MLIP: variants seen among roughly 807,000 people sequenced by gnomAD.
MLIP encodes muscular LMNA-interacting protein.
MLIP carries 79 observed loss-of-function variants against 84.8 expected under a neutral mutation model. The observed-to-expected ratio is 0.93, with a 90% confidence interval of 0.78 to 1.12. MLIP has a LOEUF of 1.12. Among genes scored for constraint, MLIP ranks in the 50% most tolerant of loss-of-function variants. The probability of loss-of-function intolerance (pLI) is 0.00; values close to 1 mark genes in which losing one functional copy is unlikely to be tolerated. For missense variants in MLIP, 1,257 were observed against 1,160.6 expected (o/e 1.08, Z -1.21); for synonymous variants, 504 against 463.0 (o/e 1.09, Z -1.14).
intron 11 of MLIP, among the ~76,000 whole-genome samples, chr6:54,213,942 A>T (rs749130628): frequency 1.3e-5 from 2 of 152,140 alleles, no homozygotes; most frequent in Non-Finnish European, 2.9e-5. Flanking sequence ...AAGATATGGT[A>T]CTTTGACTAC....
chr6:54,057,303 T>C (rs1344433900), intron 1 of MLIP, among the ~76,000 whole-genome samples: 1 of 152,224 alleles, frequency 6.6e-6, no homozygotes. Flanking sequence ...ATGTGAACTT[T>C]GGAAGGTTTC....
chr6:54,245,036 A>G (rs537325094), intron 12 of MLIP, among the ~76,000 whole-genome samples: 34 of 152,214 alleles, frequency 2.2e-4, no homozygotes, highest in Non-Finnish European at 3.7e-4. Context: ...TTTACTGACT[A>G]TGCTTGTATT....
At chr6:54,253,546 T>C (rs1035889336) in intron 12 of MLIP, among the ~76,000 whole-genome samples, 3 of 152,212 alleles carry the variant, frequency 2.0e-5, no homozygotes, top group Non-Finnish European at 4.4e-5. Context: ...CTAAATTTCA[T>C]GTCTTGTGTA....
intron 1 of MLIP, among the ~76,000 whole-genome samples, chr6:54,023,640 G>T (rs1019503389): frequency 4.6e-5 from 7 of 152,034 alleles, no homozygotes; most frequent in Non-Finnish European, 8.8e-5. Context: ...TGCGATCTCG[G>T]CTCACTGCAA....
chr6:54,188,139 G>C (rs1777576515), intron 9 of MLIP, among the ~76,000 whole-genome samples: 1 of 152,222 alleles, frequency 6.6e-6, no homozygotes, highest in African/African-American at 2.4e-5. Context: ...TAGTGCACTT[G>C]CCATGAATGG....
chr6:54,171,990 T>C (rs1210377437), intron 9 of MLIP, among the ~76,000 whole-genome samples: 1 of 151,506 alleles, frequency 6.6e-6, no homozygotes, highest in Admixed American at 6.6e-5. Flanking sequence ...GTAGATATTC[T>C]TAGATTAAAC....
chr6:54,191,847 C>A (rs1020899910), intron 10 of MLIP, among the ~76,000 whole-genome samples: 5 of 151,758 alleles, frequency 3.3e-5, no homozygotes, highest in African/African-American at 1.2e-4. Context: ...TTTAAACATT[C>A]TCATATATAG....
At chr6:54,030,721 T>C (rs1434285606) in intron 1 of MLIP, 4 of 152,190 alleles carry the variant, frequency 2.6e-5, no homozygotes, top group Non-Finnish European at 5.9e-5. Flanking sequence ...TTCTAAAAAA[T>C]ATGCAGTCTC....
chr6:54,262,636 G>C (rs1316375424), intron 13 of MLIP, among the ~76,000 whole-genome samples: 1 of 151,958 alleles, frequency 6.6e-6, no homozygotes, highest in African/African-American at 2.4e-5. Flanking sequence ...TGTCTTTCTT[G>C]GTTGTTTACA....
At chr6:54,021,356 A>G (rs1327457778) in intron 1 of MLIP, among the ~76,000 whole-genome samples, 3 of 152,210 alleles carry the variant, frequency 2.0e-5, no homozygotes, top group Non-Finnish European at 4.4e-5. Context: ...TGTTAAAATT[A>G]AAGCTGTATC....
chr6:54,228,466 A>G (rs539882093), intron 11 of MLIP, among the ~76,000 whole-genome samples: 119 of 152,336 alleles, frequency 7.8e-4, no homozygotes, highest in African/African-American at 2.7e-3. Context: ...AAGTGCTGAT[A>G]AGATTCTGCT....
intron 1 of MLIP, among the ~76,000 whole-genome samples, chr6:54,035,139 A>G (rs1010357640): frequency 6.6e-6 from 1 of 152,050 alleles, no homozygotes; most frequent in African/African-American, 2.4e-5. Flanking sequence ...GTGTAAGTTT[A>G]CTCCATGAGG....
chr6:54,048,299 C>T (rs963113416), intron 1 of MLIP, among the ~76,000 whole-genome samples: 3 of 152,236 alleles, frequency 2.0e-5, no homozygotes, highest in Middle Eastern at 3.4e-3. Flanking sequence ...GAATGAGTCT[C>T]ATGAGGAGTA....
At chr6:54,053,788 T>G (rs1006766279) in intron 1 of MLIP, among the ~76,000 whole-genome samples, 2 of 152,230 alleles carry the variant, frequency 1.3e-5, no homozygotes, top group African/African-American at 2.4e-5. Flanking sequence ...TTCCAGATTT[T>G]TAAGTGTCTA....
At chr6:54,255,873 T>C (rs1045853301) in intron 12 of MLIP, among the ~76,000 whole-genome samples, 1 of 152,166 alleles carries the variant, frequency 6.6e-6, no homozygotes, top group Non-Finnish European at 1.5e-5. Context: ...ATGATTCATA[T>C]AGATATTGTA....
intron 11 of MLIP, among the ~76,000 whole-genome samples, chr6:54,221,122 A>G (rs1780190778): frequency 6.6e-6 from 1 of 152,062 alleles, no homozygotes; most frequent in Non-Finnish European, 1.5e-5. Flanking sequence ...ATAATGCTCT[A>G]TCTCTCTGTG....
At chr6:54,086,078 A>G (rs1767467011) in intron 1 of MLIP, among the ~76,000 whole-genome samples, 2 of 152,162 alleles carry the variant, frequency 1.3e-5, no homozygotes, top group Admixed American at 6.5e-5. Flanking sequence ...GTTATTTTCT[A>G]TAAATACTCC....
At position 54,160,506 on chromosome 6, in the gene MLIP, A is replaced by G. The variant is rs757083037; in HGVS notation, c.2356-10A>G. The G allele has an allele frequency of 7.4e-6, 12 of 1,612,260 alleles. No homozygotes were observed. In the Admixed American group the frequency reaches 1.2e-4, roughly 16 times the overall value. On this transcript the variant is annotated splice_polypyrimidine_tract_variant and intron_variant, in intron 6 of 13. Coordinates refer to ENST00000502396, the MANE Select transcript of MLIP (RefSeq NM_001281747.2). ...ATTGCTAACCCAGTACCTGGTTTCA[A>G]TTCTTCCAGCTCTATTTTCCTGCAC... is the stretch of plus-strand genomic sequence containing the variant.
At chr6:54,144,115 A>G (rs1422642567) in intron 4 of MLIP, among the ~76,000 whole-genome samples, 3 of 152,126 alleles carry the variant, frequency 2.0e-5, no homozygotes, top group Admixed American at 6.6e-5. Flanking sequence ...GGATCATTAT[A>G]GATTGTGCTC....
Sources: gnomAD v4.1 joint callset for allele counts (sites outside exome capture counted in the v4.1 genomes callset) on GRCh38, gnomAD v4.1.1 for gene constraint, MANE v1.5 for transcripts, NCBI Gene and HGNC (gene_info 2026-07-23, HGNC 2026-07-21) for gene names.